The following SUSD4 variants were observed in gnomAD, a reference collection of about 807,000 sequenced individuals.
SUSD4 encodes the protein sushi domain containing 4.
A neutral mutation model predicts 50.5 loss-of-function variants in SUSD4; 41 were observed. The ratio of observed to expected loss-of-function variants is 0.81; its 90% confidence interval spans 0.63 to 1.05. The LOEUF (loss-of-function observed/expected upper bound fraction) is 1.05, where lower values mean the gene tolerates loss of function less well. SUSD4 is among the 50% of genes least tolerant of loss of function. The probability of loss-of-function intolerance (pLI) is 0.00; values close to 1 mark genes in which losing one functional copy is unlikely to be tolerated. For synonymous variants in SUSD4, 257 were observed against 257.3 expected (o/e 1.00, Z 0.01); for missense variants, 580 against 634.7 (o/e 0.91, Z 0.93).
chr1:223,234,645 A>G lies in SUSD4; in HGVS notation c.725-5257T>C, dbSNP rs1473762444. On this transcript the variant is annotated intron_variant, in intron 5 of 8. Transcript: ENST00000366878. ...CATGCTGTGTCTGGTCTCATTTTTC[A>G]GTGGGGGAAAAAAGGTGAGACATGA... Among the ~76,000 whole-genome samples the G allele has an allele frequency of 3.9e-5, 6 of 152,106 alleles. 1 individual carries two copies. In the South Asian group the frequency reaches 6.2e-4, roughly 16 times the overall value.
chr1:223,267,160 C>A (rs565427006), intron 4 of SUSD4, among the ~76,000 whole-genome samples: 1 of 152,306 alleles, frequency 6.6e-6, no homozygotes, highest in South Asian at 2.1e-4. Context: ...CCAGAAAGAG[C>A]AGCAGGAAAG....
chr1:223,287,378 A>G (rs987098745), intron 3 of SUSD4, among the ~76,000 whole-genome samples: 6 of 152,202 alleles, frequency 3.9e-5, no homozygotes, highest in Non-Finnish European at 8.8e-5. Context: ...CACCCAGCCC[A>G]GAGGTAGCTT....
intron 3 of SUSD4, 43 bp downstream of exon 3, chr1:223,292,396 T>G: frequency 6.2e-7 from 1 of 1,610,908 alleles, no homozygotes; most frequent in Non-Finnish European, 8.5e-7. Context: ...GCCATGCAAC[T>G]TGAACCACAT....
At chr1:223,349,567 G>C (rs1241717127) in intron 2 of SUSD4, among the ~76,000 whole-genome samples, 1 of 152,186 alleles carries the variant, frequency 6.6e-6, no homozygotes, top group African/African-American at 2.4e-5. Context: ...AGCAGACTTA[G>C]GAAATGTTTG....
chr1:223,322,455 G>A (rs1288706719), intron 2 of SUSD4, among the ~76,000 whole-genome samples: 1 of 152,144 alleles, frequency 6.6e-6, no homozygotes, highest in Non-Finnish European at 1.5e-5. Flanking sequence ...CTAACACATC[G>A]ATTTTTCAAT....
At chr1:223,292,345 G>T in intron 3 of SUSD4, 94 bp downstream of exon 3, 3 of 1,368,224 alleles carry the variant, frequency 2.2e-6, no homozygotes, top group Non-Finnish European at 3.1e-6. Flanking sequence ...AGAGAGAAGA[G>T]CCCAGGGTAT....
chr1:223,364,612 C>T (rs577450299), upstream of SUSD4, among the ~76,000 whole-genome samples: 568 of 150,902 alleles, frequency 3.8e-3, 4 homozygotes, highest in Non-Finnish European at 4.9e-3. The surrounding 1 kb of genome is among the most constrained non-coding windows in gnomAD (Gnocchi z 4.5). Flanking sequence ...GCCCCTGCCC[C>T]GGCTGCGCGC....
chr1:223,294,654 G>A (rs895199134), intron 2 of SUSD4, among the ~76,000 whole-genome samples: 3 of 152,234 alleles, frequency 2.0e-5, no homozygotes, highest in Admixed American at 6.5e-5. Context: ...GCAGGAAGGA[G>A]GAGGGCACAG....
chr1:223,266,422 C>G (rs1662494547), intron 4 of SUSD4, among the ~76,000 whole-genome samples: 2 of 152,044 alleles, frequency 1.3e-5, no homozygotes, highest in Admixed American at 6.6e-5. Flanking sequence ...GCCTTAGAAC[C>G]CTTAAGTGTA....
At chr1:223,248,731 A>G (rs1011379575) in intron 5 of SUSD4, among the ~76,000 whole-genome samples, 2 of 152,208 alleles carry the variant, frequency 1.3e-5, no homozygotes, top group African/African-American at 4.8e-5. Context: ...TTTAAGATCA[A>G]TAGTACCCAG....
chr1:223,322,687 T>C (rs1026313071), intron 2 of SUSD4, among the ~76,000 whole-genome samples: 4 of 152,132 alleles, frequency 2.6e-5, no homozygotes, highest in African/African-American at 4.8e-5. Flanking sequence ...CGTGTGTGTG[T>C]GCATATGCAT....
rs963882643 is a variant in SUSD4 at position 223,304,062 on chromosome 1, G to A, written c.149-11411C>T. On this transcript the variant is annotated intron_variant, in intron 2 of 8. Coordinates refer to ENST00000366878, the MANE Select transcript of SUSD4 (RefSeq NM_017982.4). Reference sequence around the variant, plus strand: ...AGGGAGTATGTCTTAACCCTAAAGAGGCCTAGAAGAGCCGTGGCAAGATGA... The same window carrying A: ...AGGGAGTATGTCTTAACCCTAAAGAAGCCTAGAAGAGCCGTGGCAAGATGA... Among the ~76,000 whole-genome samples, 4 of 152,266 alleles carry A rather than the reference G, an allele frequency of 2.6e-5. 1 individual carries two copies. In the East Asian group the frequency reaches 7.7e-4, roughly 29 times the overall value.
intron 3 of SUSD4, among the ~76,000 whole-genome samples, chr1:223,279,976 C>T (rs892563780): frequency 8.5e-5 from 13 of 152,116 alleles, no homozygotes; most frequent in Non-Finnish European, 1.3e-4. Context: ...ATTTCATATC[C>T]AGCCAAACTA....
chr1:223,363,451 T>C lies in SUSD4; in HGVS notation c.-26A>G. The C allele has an allele frequency of 6.6e-7, 1 of 1,511,832 alleles. No homozygotes were observed. Among genetic ancestry groups the C allele is most frequent in the Non-Finnish European group, 8.9e-7 (1 of 1,122,234 alleles). The allele number at this position is 1,511,832 out of a possible 1,614,324, so 93.7% of individuals were successfully genotyped here. On this transcript the variant is annotated 5_prime_UTR_variant, in exon 2 of 9. Transcript: ENST00000366878. ...CTTTCATCCACAGAGGGCATCCAGCTTGCAAGAGTCTGCAACCAGAAGCGG... is the reference window on the plus strand; with the variant it reads ...CTTTCATCCACAGAGGGCATCCAGCCTGCAAGAGTCTGCAACCAGAAGCGG...
intron 4 of SUSD4, among the ~76,000 whole-genome samples, chr1:223,265,722 G>A (rs912246947): frequency 1.3e-5 from 2 of 152,222 alleles, no homozygotes; most frequent in African/African-American, 4.8e-5. Context: ...GAACACTCCT[G>A]GTGGCAGAGA....
chr1:223,359,843 A>C (rs115483888), intron 2 of SUSD4, among the ~76,000 whole-genome samples: 161 of 152,312 alleles, frequency 1.1e-3, no homozygotes, highest in African/African-American at 3.7e-3. Flanking sequence ...GATAGAAAGA[A>C]ATTTGAGAAA....
chr1:223,297,127 C>T (rs1334381138), intron 2 of SUSD4, among the ~76,000 whole-genome samples: 1 of 152,198 alleles, frequency 6.6e-6, no homozygotes, highest in East Asian at 1.9e-4. Context: ...AAAGCATCCA[C>T]TAACTGAAGA....
intron 5 of SUSD4, among the ~76,000 whole-genome samples, chr1:223,262,439 G>A (rs79495833): frequency 0.092 from 14,022 of 152,196 alleles, 849 homozygotes; most frequent in South Asian, 0.17. Context: ...GAAAAGGGTC[G>A]ATTCCTTTGT....
chr1:223,324,625 A>G (rs1372053849), intron 2 of SUSD4, among the ~76,000 whole-genome samples: 2 of 151,560 alleles, frequency 1.3e-5, no homozygotes, highest in Non-Finnish European at 2.9e-5. Flanking sequence ...AAATGCAGTT[A>G]TCTCCCTTTC....
Sources: gnomAD v4.1 joint callset for allele counts (sites outside exome capture counted in the v4.1 genomes callset) on GRCh38, gnomAD v4.1.1 for gene constraint, Gnocchi (gnomAD v3.1) non-coding constraint, MANE v1.5 for transcripts, NCBI Gene and HGNC (gene_info 2026-07-23, HGNC 2026-07-21) for gene names.